The following CBX1 variants were observed in gnomAD, a reference collection of about 807,000 sequenced individuals.
The protein encoded by CBX1 is chromobox protein homolog 1.
CBX1 carries 10 observed loss-of-function variants against 25.1 expected under a neutral mutation model. That is an observed-to-expected ratio of 0.40 (90% CI 0.25 to 0.68). CBX1 has a LOEUF of 0.68. Among genes scored for constraint, CBX1 ranks in the 30% least tolerant of loss-of-function variants. The pLI is 0.40. For synonymous variants in CBX1, 63 were observed against 79.4 expected (o/e 0.79, Z 1.10); for missense variants, 106 against 218.5 (o/e 0.49, Z 3.25).
In CBX1 at chr17:48,076,102, T is replaced by C. The variant is rs1463708838; in HGVS notation, c.217A>G (p.Thr73Ala). 6.2e-7 allele frequency: 1 copy of C among 1,612,744 alleles called. No homozygotes were observed. Among genetic ancestry groups the C allele is most frequent in the East Asian group, 2.2e-5 (1 of 44,856 alleles). The change falls in exon 3 of 5, where the codon ACA (threonine) becomes GCA (alanine). Residue 73 changes from threonine (T) to alanine (A), a missense_variant. By Grantham distance (58) the Thr-to-Ala change is moderately conservative. Coordinates refer to ENST00000225603, the MANE Select transcript of CBX1 (RefSeq NM_001127228.2). ...TCTGATTTATCTGTCTCATGTGCTG[T>C]TTTCTGTGACTGCAGAAACTCAGCA... ...LIAEFLQSQK[T>A]AHETDKSEGG...
In CBX1 at chr17:48,079,187, C is replaced by A. The variant is rs2037708678; in HGVS notation, c.-37-2146G>T. ...GTGGCACAGTCTTGGCTCACTGCAA[C>A]CTCCGCCACCTGGGTTCAAGTGATT... On this transcript the variant is annotated intron_variant, in intron 1 of 4. Coordinates refer to ENST00000225603, the MANE Select transcript of CBX1 (RefSeq NM_001127228.2). Among the ~76,000 whole-genome samples the A allele has an allele frequency of 4.6e-5, 7 of 151,910 alleles. 1 individual carries two copies. The South Asian group carries it at 1.5e-3, about 32-fold the overall frequency.
Position 48,094,029 on chromosome 17 carries a change from G to A in CBX1, c.-38+7239C>T, listed in dbSNP as rs148811930. Among the ~76,000 whole-genome samples the A allele has an allele frequency of 4.9e-4, 70 of 142,914 alleles. 1 individual carries two copies. In the East Asian group the frequency reaches 0.014, roughly 29 times the overall value. 93.8% of individuals were successfully genotyped at this position (142,914 alleles called of 152,430 possible). The stretch of plus-strand genomic sequence containing the variant: ...CTCCAGAGGCTCAGGAAGGAGAATC[G>A]CTTCAACCTGGGAGGCGGAAGTTGC... On this transcript the variant is annotated intron_variant, in intron 1 of 4. Coordinates refer to ENST00000225603, the MANE Select transcript of CBX1 (RefSeq NM_001127228.2).
intron 1 of CBX1, among the ~76,000 whole-genome samples, chr17:48,091,899 G>A (rs986589905): frequency 1.3e-4 from 19 of 147,286 alleles, no homozygotes; most frequent in African/African-American, 4.8e-4. Context: ...GGCTGGTCTC[G>A]AACTCCTGAC....
chr17:48,082,235 G>T (rs986326554), intron 1 of CBX1, among the ~76,000 whole-genome samples: 1 of 151,806 alleles, frequency 6.6e-6, no homozygotes, highest in African/African-American at 2.4e-5. Flanking sequence ...GGGCGTGGTG[G>T]CTCACACCTG....
chr17:48,083,755 C>T lies in CBX1; in HGVS notation c.-37-6714G>A, dbSNP rs186184154. On this transcript the variant is annotated intron_variant, in intron 1 of 4. Coordinates refer to ENST00000225603, the MANE Select transcript of CBX1 (RefSeq NM_001127228.2). ...AGGAGAATCGCTGGAACCTGGGAGG[C>T]AGAGGTTACAGTGAGCCGAGATTGC... Among the ~76,000 whole-genome samples the T allele has an allele frequency of 2.7e-5, 4 of 149,992 alleles. No individual in the cohort carries two copies. In the East Asian group the frequency reaches 7.8e-4, roughly 29 times the overall value.
At chr17:48,076,840 A>G (rs7217496) in intron 2 of CBX1, 25 bp downstream of exon 2, 350,788 of 1,599,892 alleles carry the variant, frequency 0.22, 40,893 homozygotes, top group African/African-American at 0.43. Flanking sequence ...TGGTGGCTAC[A>G]TTTACCTGTG....
chr17:48,072,927 G>A (rs1317659683), intron 4 of CBX1, among the ~76,000 whole-genome samples: 5 of 152,066 alleles, frequency 3.3e-5, no homozygotes, highest in African/African-American at 1.2e-4. Context: ...TTCAAGACCA[G>A]CCTGGTCAAC....
At chr17:48,079,190 C>T (rs2037708760) in intron 1 of CBX1, among the ~76,000 whole-genome samples, 1 of 151,876 alleles carries the variant, frequency 6.6e-6, no homozygotes, top group Non-Finnish European at 1.5e-5. Context: ...ACTGCAACCT[C>T]CGCCACCTGG....
intron 1 of CBX1, among the ~76,000 whole-genome samples, chr17:48,099,027 G>A (rs2063391916): frequency 6.6e-6 from 1 of 152,096 alleles, no homozygotes; most frequent in Non-Finnish European, 1.5e-5. Context: ...AGAAGACCAG[G>A]GTAACTTACT....
rs113353304 is a variant in CBX1 at position 48,074,499 on chromosome 17, T to C, written c.413+507A>G. Among the ~76,000 whole-genome samples, 509 of 152,342 alleles carry C rather than the reference T, an allele frequency of 3.3e-3. 7 individuals are homozygous for C. Among genetic ancestry groups the C allele is most frequent in the African/African-American group, 0.012 (487 of 41,584 alleles). On this transcript the variant is annotated intron_variant, in intron 4 of 4. Coordinates refer to ENST00000225603, the MANE Select transcript of CBX1 (RefSeq NM_001127228.2). Reference sequence around the variant, plus strand: ...AAAAGCAGGCTTGCTCTATGCTTGATAGCAGTTAAGGAGCCTTGCTGACCC... The same window carrying C: ...AAAAGCAGGCTTGCTCTATGCTTGACAGCAGTTAAGGAGCCTTGCTGACCC...
intron 1 of CBX1, among the ~76,000 whole-genome samples, chr17:48,090,659 G>T (rs2063339830): frequency 6.6e-6 from 1 of 152,046 alleles, no homozygotes; most frequent in Non-Finnish European, 1.5e-5. Flanking sequence ...TGAGCTGAAG[G>T]CCCCTGCACC....
chr17:48,097,585 C>T (rs977281258), intron 1 of CBX1, among the ~76,000 whole-genome samples: 2 of 151,296 alleles, frequency 1.3e-5, no homozygotes, highest in African/African-American at 4.9e-5. Context: ...CCACTGCACT[C>T]CAGCTTTGGC....
intron 1 of CBX1, among the ~76,000 whole-genome samples, chr17:48,100,322 T>A (rs556571524): frequency 6.6e-6 from 1 of 152,148 alleles, no homozygotes; most frequent in South Asian, 2.1e-4. Flanking sequence ...CCTCACGCCG[T>A]TCCTCAACTA....
intron 1 of CBX1, 29 bp downstream of exon 1, chr17:48,101,239 A>G (rs1018766134): frequency 6.1e-6 from 6 of 988,996 alleles, no homozygotes; most frequent in Non-Finnish European, 7.2e-6. Flanking sequence ...CCCCTCCCCC[A>G]GCTCTCCCGC....
chr17:48,082,652 T>C (rs1321994505), intron 1 of CBX1, among the ~76,000 whole-genome samples: 1 of 149,438 alleles, frequency 6.7e-6, no homozygotes, highest in Non-Finnish European at 1.5e-5. Flanking sequence ...TCCTCTTCCT[T>C]AGCCTCCCGA....
intron 1 of CBX1, chr17:48,088,777 G>A (rs771848807): frequency 6.6e-6 from 1 of 152,030 alleles, no homozygotes; most frequent in Non-Finnish European, 1.5e-5. Context: ...TGCTGCTTAA[G>A]CAAGCACCAG....
intron 1 of CBX1, among the ~76,000 whole-genome samples, 154 bp from the exon 2 acceptor site, chr17:48,077,195 A>G (rs1425783607): frequency 6.6e-6 from 1 of 151,892 alleles, no homozygotes; most frequent in African/African-American, 2.4e-5. Flanking sequence ...GATACAAAAT[A>G]GTTTTCTGAT....
intron 1 of CBX1, among the ~76,000 whole-genome samples, chr17:48,095,452 G>A (rs1331945004): frequency 6.6e-6 from 1 of 152,130 alleles, no homozygotes; most frequent in Non-Finnish European, 1.5e-5. Flanking sequence ...AGCTGGGCAT[G>A]GTGGTACACG....
intron 1 of CBX1, among the ~76,000 whole-genome samples, chr17:48,089,393 G>A (rs981235193): frequency 4.7e-5 from 7 of 150,226 alleles, no homozygotes; most frequent in African/African-American, 9.8e-5. Flanking sequence ...GAGCCACCGC[G>A]CCTGGCCAGG....
Sources: gnomAD v4.1 joint callset for allele counts (sites outside exome capture counted in the v4.1 genomes callset) on GRCh38, gnomAD v4.1.1 for gene constraint, MANE v1.5 for transcripts, NCBI Gene and HGNC (gene_info 2026-07-23, HGNC 2026-07-21) for gene names.